The following ZC3H7B variants were observed in gnomAD, a reference collection of about 807,000 sequenced individuals.
The protein encoded by ZC3H7B is zinc finger CCCH-type containing 7B.
In ZC3H7B, 35 loss-of-function variants were observed where a neutral mutation model predicts 116.0. The ratio of observed to expected loss-of-function variants is 0.30; its 90% CI spans 0.23 to 0.40. The LOEUF (loss-of-function observed/expected upper bound fraction) is 0.40, where lower values mean the gene tolerates loss of function less well. ZC3H7B is among the 10% of genes least tolerant of loss of function. The pLI is 1.00. For synonymous variants in ZC3H7B, 502 were observed against 545.6 expected (o/e 0.92, Z 1.11); for missense variants, 1,011 against 1,321.5 (o/e 0.77, Z 3.64).
At chr22:41,331,713 G>A (rs2036386724) in intron 6 of ZC3H7B, among the ~76,000 whole-genome samples, 1 of 151,836 alleles carries the variant, frequency 6.6e-6, no homozygotes, top group Admixed American at 6.6e-5. Flanking sequence ...TCTACAAAAA[G>A]TACAAAAATT....
rs772633147 is a variant in ZC3H7B, at chr22:41,343,470, G to A, written c.1353G>A (p.Arg451=). 6.2e-7 allele frequency: 1 copy of A among 1,613,902 alleles called. No individual in the cohort carries two copies. The highest frequency in any genetic ancestry group is 8.5e-7 in the Non-Finnish European group (1 of 1,179,918). Residue 451 remains arginine, a synonymous_variant, in exon 13 of 23, where the codon CGG becomes CGA. Coordinates refer to ENST00000352645, the MANE Select transcript of ZC3H7B (RefSeq NM_017590.6). ...YREGLEHKCK[R]DILLGRLRSS... is the part of the protein sequence containing the mutation. ...AGGGCCTTGAGCACAAGTGCAAGCG[G>A]GACATCCTGCTCGGCCGGCTCCGGA... is the stretch of plus-strand genomic sequence containing the variant.
chr22:41,312,983 G>T (rs549605346), intron 1 of ZC3H7B, among the ~76,000 whole-genome samples: 1 of 152,192 alleles, frequency 6.6e-6, no homozygotes, highest in Non-Finnish European at 1.5e-5. Context: ...AAATTTCTGT[G>T]TCAAAGTGAA....
intron 14 of ZC3H7B, among the ~76,000 whole-genome samples, chr22:41,347,516 A>G (rs2036602341): frequency 6.6e-6 from 1 of 152,158 alleles, no homozygotes. Flanking sequence ...TCCGGAGTGA[A>G]CTTGGCCCCT....
At chr22:41,303,297 T>G (rs2035997997) in intron 1 of ZC3H7B, among the ~76,000 whole-genome samples, 1 of 152,194 alleles carries the variant, frequency 6.6e-6, no homozygotes, top group African/African-American at 2.4e-5. Context: ...TTGTTGTCCC[T>G]GAGCTGGGAT....
At position 41,346,314 on chromosome 22, in the gene ZC3H7B, G is replaced by A; in HGVS notation, c.1665+106G>A. The stretch of plus-strand genomic sequence containing the variant: ...AGGAAGTCAGCCCTGGAACCCGTGG[G>A]CTGTGGAGGCCTGGTCTTAGAACCA... On this transcript the variant is annotated intron_variant, in intron 14 of 22. Coordinates refer to ENST00000352645, the MANE Select transcript of ZC3H7B (RefSeq NM_017590.6). This position sits in a 1 kb window ranked among gnomAD's most constrained non-coding sequence, Gnocchi z 5.3. The A allele has an allele frequency of 1.6e-6, 2 of 1,282,174 alleles. No individual in the cohort carries two copies. Among genetic ancestry groups the A allele is most frequent in the Non-Finnish European group, 2.2e-6 (2 of 927,376 alleles). The allele number at this position is 1,282,174 out of a possible 1,614,324, so 79.4% of individuals were successfully genotyped here.
At chr22:41,322,069 G>C (rs1158444998) in intron 2 of ZC3H7B, among the ~76,000 whole-genome samples, 7 of 150,654 alleles carry the variant, frequency 4.6e-5, no homozygotes, top group Admixed American at 4.0e-4. Flanking sequence ...TCGATCTCCT[G>C]ACCTCGTGAT....
intron 17 of ZC3H7B, among the ~76,000 whole-genome samples, chr22:41,354,276 G>T (rs543093588): frequency 6.6e-6 from 1 of 152,224 alleles, no homozygotes; most frequent in African/African-American, 2.4e-5. Context: ...ACACCCAGAA[G>T]TCAGTAGCCA....
chr22:41,352,714 A>C (rs1377748104), intron 17 of ZC3H7B, among the ~76,000 whole-genome samples: 2 of 151,708 alleles, frequency 1.3e-5, no homozygotes, highest in Admixed American at 1.3e-4. Flanking sequence ...GTGAGCTGAG[A>C]TCACGCTGTT....
At chr22:41,326,654 CCT>C (rs1389850434) in intron 4 of ZC3H7B, among the ~76,000 whole-genome samples, 1 of 152,220 alleles carries the variant, frequency 6.6e-6, no homozygotes, top group Non-Finnish European at 1.5e-5. Context: ...GCAGCCTCCT[CCT>C]CTTCCCTGTC....
rs767919918 is a variant in ZC3H7B at position 41,338,300 on chromosome 22, C to G, written c.583-13C>G. On this transcript the variant is annotated splice_polypyrimidine_tract_variant and intron_variant, in intron 7 of 22. Transcript: ENST00000352645. This position sits in a 1 kb window ranked among gnomAD's most constrained non-coding sequence, Gnocchi z 4.5. ...TTCCCAGCCACAGCGCCACTGTGGC[C>G]CTCTCCCCACAGGGAACTTCTAATG... The G allele has an allele frequency of 1.9e-6, 3 of 1,611,902 alleles. No homozygotes were observed. The highest frequency in any genetic ancestry group is 1.7e-5 in the Admixed American group (1 of 59,848).
chr22:41,305,437 G>A (rs1043016474), intron 1 of ZC3H7B, among the ~76,000 whole-genome samples: 3 of 151,738 alleles, frequency 2.0e-5, no homozygotes, highest in Non-Finnish European at 2.9e-5. Context: ...TTGAACCTGG[G>A]GGGTGGAGGT....
intron 1 of ZC3H7B, among the ~76,000 whole-genome samples, chr22:41,313,548 TG>T: frequency 1.3e-5 from 2 of 152,276 alleles, no homozygotes; most frequent in South Asian, 4.1e-4. Flanking sequence ...AACTGGCTGC[TG>T]GGTGCAGCCA....
At position 41,356,769 on chromosome 22, in the gene ZC3H7B, C is replaced by T. The variant is rs543138343; in HGVS notation, c.2642C>T (p.Ala881Val). 1.9e-6 allele frequency: 3 copies of T among 1,613,538 alleles called. No homozygotes were observed. The highest frequency in any genetic ancestry group is 4.5e-5 in the East Asian group (2 of 44,886). Residue 881 changes from alanine to valine, a missense_variant, in exon 22 of 23, where the codon GCC becomes GTC. Physicochemically the swap from Ala to Val is moderately conservative, Grantham distance 64 (BLOSUM62 0). Coordinates refer to ENST00000352645, the MANE Select transcript of ZC3H7B (RefSeq NM_017590.6). ...TCCGACAGTGACGCCAGCGGCTGGG[C>T]CTTCCGCTTCCCCATGGGCGAGTTC... ...FTSDSDASGW[A>V]FRFPMGEFRL... is the part of the protein sequence containing the mutation.
Position 41,349,218 on chromosome 22 carries a change from G to T in ZC3H7B, c.1865G>T (p.Arg622Leu), listed in dbSNP as rs374741632. The change falls in exon 16 of 23, where the codon CGC (arginine) becomes CTC (leucine). Residue 622 changes from arginine to leucine, a missense_variant. Transcript: ENST00000352645. The surrounding 1 kb of genome is among the most constrained non-coding windows in gnomAD (Gnocchi z 4.9). ...TTCGACGTGTGCCGCCATGAGGTGC[G>T]CTACGGCTGCCTGCGGGAGGACAGC... is the stretch of plus-strand genomic sequence containing the variant. Reference protein sequence around the residue: ...FQFDVCRHEVRYGCLREDSCH... With the variant: ...FQFDVCRHEVLYGCLREDSCH... 1.2e-6 allele frequency: 2 copies of T among 1,613,588 alleles called. No individual in the cohort carries two copies. The highest frequency in any genetic ancestry group is 1.3e-5 in the African/African-American group (1 of 74,942).
intron 1 of ZC3H7B, among the ~76,000 whole-genome samples, chr22:41,306,047 T>C (rs968539961): frequency 3.3e-5 from 5 of 152,098 alleles, no homozygotes; most frequent in Non-Finnish European, 7.4e-5. Context: ...AGCAGAGGCA[T>C]TGAGATGGAC....
chr22:41,340,501 C>T (rs980670821), intron 10 of ZC3H7B, among the ~76,000 whole-genome samples: 1 of 152,056 alleles, frequency 6.6e-6, no homozygotes, highest in African/African-American at 2.4e-5. Context: ...TCCCACTGCA[C>T]CACTCTGGGC....
At chr22:41,342,178 G>A (rs2036531159) in intron 11 of ZC3H7B, among the ~76,000 whole-genome samples, 1 of 152,208 alleles carries the variant, frequency 6.6e-6, no homozygotes, top group Admixed American at 6.5e-5. Flanking sequence ...ATGACTTGGG[G>A]GATTGGGGGA....
chr22:41,355,328 G>C, intron 17 of ZC3H7B, 141 bp from the exon 18 acceptor site: 1 of 1,202,398 alleles, frequency 8.3e-7, no homozygotes, highest in Non-Finnish European at 1.1e-6. Flanking sequence ...GCCTGCAGTT[G>C]GGAGGTCACT....
intron 5 of ZC3H7B, among the ~76,000 whole-genome samples, chr22:41,328,392 C>T (rs1051674884): frequency 3.9e-4 from 60 of 152,332 alleles, no homozygotes; most frequent in African/African-American, 1.3e-3. Flanking sequence ...AAATACTGAC[C>T]GAGCTCCTGC....
Sources: gnomAD v4.1 joint callset for allele counts (sites outside exome capture counted in the v4.1 genomes callset) on GRCh38, gnomAD v4.1.1 for gene constraint, Gnocchi (gnomAD v3.1) non-coding constraint, MANE v1.5 for transcripts, NCBI Gene and HGNC (gene_info 2026-07-23, HGNC 2026-07-21) for gene names.